Variants in MBD5 observed in about 807,000 individuals in gnomAD.
MBD5 encodes the protein methyl-CpG-binding domain protein 5.
Under a neutral mutation model 117.3 loss-of-function variants are expected in MBD5, and 13 were observed. The ratio of observed to expected loss-of-function variants is 0.11; its 90% CI spans 0.07 to 0.18. The LOEUF (loss-of-function observed/expected upper bound fraction) is 0.18, where lower values mean the gene tolerates loss of function less well. Ranked by LOEUF, MBD5 falls within the 10% of genes least tolerant of loss-of-function variation. The pLI, the probability that MBD5 is intolerant of heterozygous loss-of-function variation, is 1.00. For missense variants in MBD5, 1,879 were observed against 2,093.8 expected (o/e 0.90, Z 2.00); for synonymous variants, 727 against 766.4 (o/e 0.95, Z 0.85).
At chr2:148,414,577 A>G (rs1035419594) in intron 4 of MBD5, among the ~76,000 whole-genome samples, 1 of 152,130 alleles carries the variant, frequency 6.6e-6, no homozygotes, top group African/African-American at 2.4e-5. Context: ...GTCTCCCACT[A>G]TTATAGCGTG....
intron 1 of MBD5, among the ~76,000 whole-genome samples, chr2:148,065,213 C>T (rs1284999200): frequency 6.6e-6 from 1 of 152,154 alleles, no homozygotes; most frequent in Non-Finnish European, 1.5e-5. Flanking sequence ...TTTCTGCTTT[C>T]CTCTGGACCA....
At chr2:148,290,539 C>T (rs910771604) in intron 3 of MBD5, among the ~76,000 whole-genome samples, 6 of 152,172 alleles carry the variant, frequency 3.9e-5, no homozygotes, top group African/African-American at 1.2e-4. Flanking sequence ...CCTTAACTGA[C>T]CTTCTGTTGA....
At chr2:148,073,947 C>T (rs1248998315) in intron 1 of MBD5, among the ~76,000 whole-genome samples, 4 of 152,030 alleles carry the variant, frequency 2.6e-5, no homozygotes, top group Non-Finnish European at 4.4e-5. Context: ...ATACTGTTTA[C>T]ATAAAATTGT....
intron 4 of MBD5, among the ~76,000 whole-genome samples, chr2:148,409,344 T>C (rs928218005): frequency 6.7e-6 from 1 of 148,628 alleles, no homozygotes; most frequent in African/African-American, 2.5e-5. Flanking sequence ...GACATGATCA[T>C]GCCACTGCAC....
rs373642625 is a variant in MBD5 at position 148,488,813 on chromosome 2, T to C, written c.3754-573T>C. The stretch of plus-strand genomic sequence containing the variant: ...CTTCTGCAAACAGCCATTGTCACTA[T>C]TGACAGCATGGGGATGTGGCCTGAA... On this transcript the variant is annotated intron_variant, in intron 10 of 13. Transcript: ENST00000642680. Among the ~76,000 whole-genome samples, 37 of 152,318 alleles carry C rather than the reference T, an allele frequency of 2.4e-4. No homozygotes were observed. In the East Asian group the frequency reaches 3.7e-3, roughly 15 times the overall value.
chr2:148,125,752 AG>A (rs2105434877), intron 1 of MBD5, among the ~76,000 whole-genome samples: 1 of 152,308 alleles, frequency 6.6e-6, no homozygotes, highest in African/African-American at 2.4e-5. Context: ...CTCTCTTACT[AG>A]GCTTCCTTGA....
chr2:148,484,110 C>T lies in MBD5; in HGVS notation c.3519C>T (p.Asn1173=). The change falls in exon 9 of 14, where the codon AAC becomes AAT. Residue 1173 remains asparagine, a synonymous_variant. Transcript: ENST00000642680. The part of the protein sequence containing the change: ...NSNSVVPQLL[N]PLLGTGLLGD... ...ACTCTGTGGTGCCACAGCTACTTAA[C>T]CCTCTACTGGGGACAGGTCTACTTG... 1.3e-6 allele frequency: 2 copies of T among 1,528,764 alleles called. No individual in the cohort carries two copies. Among genetic ancestry groups the T allele is most frequent in the Non-Finnish European group, 1.8e-6 (2 of 1,136,170 alleles). 94.7% of individuals were successfully genotyped at this position (1,528,764 alleles called of 1,614,324 possible). A position where few individuals can be genotyped will look rare whatever the true frequency, so the allele number is the denominator to read the frequency against.
At chr2:148,272,700 A>G (rs572839396) in intron 3 of MBD5, among the ~76,000 whole-genome samples, 1 of 152,090 alleles carries the variant, frequency 6.6e-6, no homozygotes, top group Non-Finnish European at 1.5e-5. Context: ...TATTAATTGT[A>G]TGGTTCACAT....
intron 7 of MBD5, among the ~76,000 whole-genome samples, chr2:148,467,103 C>T (rs1313024564): frequency 2.0e-5 from 3 of 152,128 alleles, no homozygotes; most frequent in Admixed American, 6.6e-5. Context: ...CTGTAACAGT[C>T]TCACTGGCAT....
chr2:148,282,902 C>T (rs1186231382), intron 3 of MBD5, among the ~76,000 whole-genome samples: 2 of 143,678 alleles, frequency 1.4e-5, no homozygotes, highest in Non-Finnish European at 3.0e-5. Context: ...CTTAACCGCC[C>T]CCCCCCATCA....
chr2:148,176,513 A>G (rs1006075280), intron 1 of MBD5, among the ~76,000 whole-genome samples: 1 of 151,810 alleles, frequency 6.6e-6, no homozygotes, highest in African/African-American at 2.4e-5. Flanking sequence ...CAAGAGATCA[A>G]TTCTCCTGTC....
chr2:148,267,232 A>C (rs1254766434), intron 3 of MBD5, among the ~76,000 whole-genome samples: 6 of 152,156 alleles, frequency 3.9e-5, no homozygotes, highest in African/African-American at 1.4e-4. Flanking sequence ...TAAAACAGAC[A>C]AATAGATCTG....
intron 3 of MBD5, among the ~76,000 whole-genome samples, chr2:148,303,456 AGAG>A (rs1289916386): frequency 1.3e-5 from 2 of 152,198 alleles, no homozygotes; most frequent in African/African-American, 4.8e-5. Context: ...GCAAAGACAA[AGAG>A]GAGTTTTCCA....
At chr2:148,417,564 C>T (rs539475546) in intron 4 of MBD5, among the ~76,000 whole-genome samples, 3 of 152,252 alleles carry the variant, frequency 2.0e-5, no homozygotes, top group Non-Finnish European at 1.5e-5. Flanking sequence ...TACTAATTTG[C>T]ATTCCCACTA....
chr2:148,359,708 C>T (rs1703480945), intron 4 of MBD5, among the ~76,000 whole-genome samples: 1 of 152,108 alleles, frequency 6.6e-6, no homozygotes, highest in Non-Finnish European at 1.5e-5. Context: ...AACTCTTTAT[C>T]AAAGCATGAT....
chr2:148,052,843 T>C (rs1694754917), intron 1 of MBD5, among the ~76,000 whole-genome samples: 1 of 152,020 alleles, frequency 6.6e-6, no homozygotes, highest in South Asian at 2.1e-4. Flanking sequence ...TGGAAAATGC[T>C]GTGTATTTAC....
At chr2:148,434,534 A>G (rs1706096955) in intron 4 of MBD5, among the ~76,000 whole-genome samples, 1 of 152,098 alleles carries the variant, frequency 6.6e-6, no homozygotes, top group African/African-American at 2.4e-5. Context: ...TTTCAGGAGC[A>G]GGTTGTTTAA....
At chr2:148,247,072 T>G (rs1700354329) in intron 3 of MBD5, among the ~76,000 whole-genome samples, 2 of 152,202 alleles carry the variant, frequency 1.3e-5, no homozygotes, top group African/African-American at 4.8e-5. Flanking sequence ...AAAGCTTTTT[T>G]TAAATTGTCT....
At chr2:148,179,933 A>G (rs1698481204) in intron 2 of MBD5, among the ~76,000 whole-genome samples, 1 of 152,136 alleles carries the variant, frequency 6.6e-6, no homozygotes, top group Admixed American at 6.5e-5. Context: ...CTTATTTTTA[A>G]ATGTCAGCAT....
Sources: gnomAD v4.1 joint callset for allele counts (sites outside exome capture counted in the v4.1 genomes callset) on GRCh38, gnomAD v4.1.1 for gene constraint, MANE v1.5 for transcripts, NCBI Gene and HGNC (gene_info 2026-07-23, HGNC 2026-07-21) for gene names.